Variants in CAMKMT observed in about 807,000 individuals in gnomAD.
The protein encoded by CAMKMT is calmodulin-lysine N-methyltransferase, also known as CaM KMT.
A neutral mutation model predicts 48.0 loss-of-function variants in CAMKMT; 53 were observed. The ratio of observed to expected loss-of-function variants is 1.10; its 90% CI spans 0.89 to 1.39. The LOEUF is 1.39. Among genes scored for constraint, CAMKMT ranks in the 40% most tolerant of loss-of-function variants. The pLI is 0.00. For missense variants in CAMKMT, 428 were observed against 402.7 expected, an observed-to-expected ratio of 1.06 and a Z score of -0.54; for synonymous variants, 165 against 152.3, an observed-to-expected ratio of 1.08 and a Z score of -0.61.
At chr2:44,514,178 A>G (rs1403141586) in intron 3 of CAMKMT, among the ~76,000 whole-genome samples, 1 of 152,164 alleles carries the variant, frequency 6.6e-6, no homozygotes, top group Non-Finnish European at 1.5e-5. Flanking sequence ...GCCAGCAGGA[A>G]AAGCATCATT....
chr2:44,767,347 A>G (rs573190315), intron 10 of CAMKMT, among the ~76,000 whole-genome samples: 18 of 152,196 alleles, frequency 1.2e-4, no homozygotes, highest in Non-Finnish European at 2.2e-4. Flanking sequence ...TTAACTTGTC[A>G]TGATTTCACA....
intron 3 of CAMKMT, among the ~76,000 whole-genome samples, chr2:44,698,534 TG>T (rs1677087519): frequency 6.6e-6 from 1 of 152,252 alleles, no homozygotes; most frequent in African/African-American, 2.4e-5. Flanking sequence ...AATAGCATTA[TG>T]TCTAAAAAGA....
chr2:44,494,853 G>A (rs548003891), intron 3 of CAMKMT, among the ~76,000 whole-genome samples: 8 of 152,298 alleles, frequency 5.3e-5, no homozygotes, highest in Non-Finnish European at 1.5e-5. Flanking sequence ...TTAGGTGCCT[G>A]CCACTCTGTG....
intron 3 of CAMKMT, among the ~76,000 whole-genome samples, chr2:44,401,981 A>G (rs1214125256): frequency 6.6e-6 from 1 of 152,152 alleles, no homozygotes; most frequent in Non-Finnish European, 1.5e-5. Context: ...CTTCCTGAGA[A>G]AGTAAGGGGA....
At chr2:44,492,889 C>CTTTTTTTTTTTTTTT (rs11400501) in intron 3 of CAMKMT, among the ~76,000 whole-genome samples, 5 of 142,858 alleles carry the variant, frequency 3.5e-5, no homozygotes, top group African/African-American at 2.6e-5. Flanking sequence ...CATATTGTAT[C>CTTTTTTTTTTTTTTT]TTTTTTTTTT....
intron 3 of CAMKMT, among the ~76,000 whole-genome samples, chr2:44,669,478 T>C (rs1675207598): frequency 6.6e-6 from 1 of 152,230 alleles, no homozygotes; most frequent in African/African-American, 2.4e-5. Flanking sequence ...TTACTTGATG[T>C]TACCTAATTA....
At chr2:44,636,665 G>A (rs928178291) in intron 3 of CAMKMT, among the ~76,000 whole-genome samples, 3 of 152,192 alleles carry the variant, frequency 2.0e-5, no homozygotes. Flanking sequence ...ATAGAATAAA[G>A]GGAAGTGTTC....
At chr2:44,743,379 A>C (rs570768547) in intron 7 of CAMKMT, among the ~76,000 whole-genome samples, 11 of 152,338 alleles carry the variant, frequency 7.2e-5, no homozygotes, top group African/African-American at 2.6e-4. Context: ...TTGTCTACAA[A>C]AACCTATAAA....
At chr2:44,553,074 G>C (rs1667809951) in intron 3 of CAMKMT, among the ~76,000 whole-genome samples, 1 of 152,160 alleles carries the variant, frequency 6.6e-6, no homozygotes, top group Non-Finnish European at 1.5e-5. Flanking sequence ...CTAGATGTGT[G>C]CTATGATTTA....
At chr2:44,715,464 T>A in intron 7 of CAMKMT, 111 bp downstream of exon 7, 1 of 750,452 alleles carries the variant, frequency 1.3e-6, no homozygotes, top group Non-Finnish European at 2.3e-6. Context: ...CTGCTGTGTG[T>A]CAGGCACTGT....
intron 3 of CAMKMT, among the ~76,000 whole-genome samples, chr2:44,637,924 G>T (rs924704315): frequency 6.6e-6 from 1 of 151,972 alleles, no homozygotes; most frequent in Non-Finnish European, 1.5e-5. Flanking sequence ...AATTAGCTGG[G>T]CATGGTGGCA....
chr2:44,580,423 A>G (rs1669490679), intron 3 of CAMKMT, among the ~76,000 whole-genome samples: 1 of 152,120 alleles, frequency 6.6e-6, no homozygotes, highest in Non-Finnish European at 1.5e-5. Flanking sequence ...AAAAAGAAAG[A>G]AGGAAAAACC....
rs1677426861 is a variant in CAMKMT, at chr2:44,704,357, C to T, written c.437+14C>T. 4 of 1,542,960 alleles carry T rather than the reference C, an allele frequency of 2.6e-6. No homozygotes were observed. The African/African-American group carries it at 4.1e-5, about 16-fold the overall frequency. Reference sequence around the variant, plus strand: ...TAATATATTCAGGTACAGAGCTGCACTTAAGATATTTTTTAGCCCATCACG... The same window carrying T: ...TAATATATTCAGGTACAGAGCTGCATTTAAGATATTTTTTAGCCCATCACG... On this transcript the variant is annotated intron_variant, in intron 4 of 10. Transcript: ENST00000378494.
intron 3 of CAMKMT, among the ~76,000 whole-genome samples, chr2:44,616,803 T>G (rs1671918916): frequency 6.6e-6 from 1 of 152,130 alleles, no homozygotes; most frequent in African/African-American, 2.4e-5. Flanking sequence ...ATCACACAAA[T>G]CAGGAGAAAA....
At position 44,466,524 on chromosome 2, in the gene CAMKMT, C is replaced by T. The variant is rs150778952; in HGVS notation, c.376+76219C>T. On this transcript the variant is annotated intron_variant, in intron 3 of 10. Transcript: ENST00000378494. ...TAAAACTTACGGAATGCAGCAAAAG[C>T]AGTACTCAGAGGAAAGTTTATAGTG... Among the ~76,000 whole-genome samples, 5 of 152,090 alleles carry T rather than the reference C, an allele frequency of 3.3e-5. No individual in the cohort carries two copies. In the East Asian group the frequency reaches 9.7e-4, roughly 29 times the overall value.
Position 44,772,464 on chromosome 2 carries a change from A to ATTTTTTTTTTTTTTTTTTT in CAMKMT, c.*367_*368insTTTTTTTTTTTTTTTTTTT, listed in dbSNP as rs199836049. 8.2e-6 allele frequency: 1 copy of ATTTTTTTTTTTTTTTTTTT among 122,552 alleles called. No homozygotes were observed. 7.6% of individuals were successfully genotyped at this position (122,552 alleles called of 1,614,324 possible). ...TTTTGATGATACCCATCCCTCCTTC[A>ATTTTTTTTTTTTTTTTTTT]TTTTTTTTTTTTTTTTGGTCTTTGT... On this transcript the variant is annotated 3_prime_UTR_variant, in exon 11 of 11. Transcript: ENST00000378494.
chr2:44,661,381 T>A (rs1674672029), intron 3 of CAMKMT, among the ~76,000 whole-genome samples: 1 of 143,442 alleles, frequency 7.0e-6, no homozygotes, highest in Non-Finnish European at 1.5e-5. Context: ...AGTGGCATGA[T>A]CTCAGCTCAG....
intron 3 of CAMKMT, among the ~76,000 whole-genome samples, chr2:44,440,257 G>C (rs1666565215): frequency 6.6e-6 from 1 of 152,120 alleles, no homozygotes; most frequent in Non-Finnish European, 1.5e-5. Context: ...AAGCCAACTT[G>C]GGCTCTTGAT....
intron 7 of CAMKMT, among the ~76,000 whole-genome samples, chr2:44,730,554 C>T (rs1392635804): frequency 2.6e-5 from 4 of 152,160 alleles, no homozygotes; most frequent in Admixed American, 1.3e-4. Flanking sequence ...AGGAAGTCAA[C>T]GGATCAATAT....
Sources: gnomAD v4.1 joint callset for allele counts (sites outside exome capture counted in the v4.1 genomes callset) on GRCh38, gnomAD v4.1.1 for gene constraint, MANE v1.5 for transcripts, NCBI Gene and HGNC (gene_info 2026-07-23, HGNC 2026-07-21) for gene names.